Variants in RNF145 observed in about 807,000 individuals in gnomAD.
The protein encoded by RNF145 is ring finger protein 145.
Under a neutral mutation model 57.3 loss-of-function variants are expected in RNF145, and 12 were observed. The observed-to-expected ratio is 0.21, with a 90% CI of 0.13 to 0.34. The LOEUF (loss-of-function observed/expected upper bound fraction) is 0.34, where lower values mean the gene tolerates loss of function less well. RNF145 is among the 10% of genes least tolerant of loss of function. RNF145 has a pLI of 1.00. For synonymous variants in RNF145, 262 were observed against 288.3 expected, an observed-to-expected ratio of 0.91 and a Z score of 0.92; for missense variants, 429 against 799.0, an observed-to-expected ratio of 0.54 and a Z score of 5.58.
intron 3 of RNF145, among the ~76,000 whole-genome samples, chr5:159,185,287 T>C (rs997088953): frequency 6.6e-6 from 1 of 152,142 alleles, no homozygotes; most frequent in Non-Finnish European, 1.5e-5. Flanking sequence ...GTCAAGGCAG[T>C]AGTTTTGGTG....
At chr5:159,187,613 C>T (rs571278657) in intron 3 of RNF145, among the ~76,000 whole-genome samples, 7 of 152,252 alleles carry the variant, frequency 4.6e-5, no homozygotes, top group African/African-American at 1.7e-4. Flanking sequence ...AGGCGTGTGC[C>T]ACCACTCCCG....
chr5:159,200,560 C>A (rs1785627446), intron 2 of RNF145, among the ~76,000 whole-genome samples: 1 of 151,920 alleles, frequency 6.6e-6, no homozygotes, highest in Non-Finnish European at 1.5e-5. Context: ...TAAAAATAAA[C>A]CCACAAAAAT....
chr5:159,207,102 T>G (rs1244709819), intron 1 of RNF145, among the ~76,000 whole-genome samples: 1 of 152,148 alleles, frequency 6.6e-6, no homozygotes, highest in Admixed American at 6.5e-5. Flanking sequence ...AGTAATGTCT[T>G]GTAGAAGTAT....
intron 8 of RNF145, among the ~76,000 whole-genome samples, chr5:159,165,840 CT>C (rs1784378829): frequency 6.6e-6 from 1 of 151,962 alleles, no homozygotes; most frequent in Non-Finnish European, 1.5e-5. Flanking sequence ...AGCACTGTGA[CT>C]ATTACCACAT....
chr5:159,201,317 C>G (rs141316399), intron 2 of RNF145, among the ~76,000 whole-genome samples: 162 of 152,322 alleles, frequency 1.1e-3, no homozygotes, highest in African/African-American at 3.6e-3. Flanking sequence ...TACTCTTTAA[C>G]CCAGCAACTT....
chr5:159,184,697 T>C (rs896054196), intron 3 of RNF145, among the ~76,000 whole-genome samples: 1 of 152,208 alleles, frequency 6.6e-6, no homozygotes, highest in Admixed American at 6.5e-5. Flanking sequence ...TTTTTTATCT[T>C]AAATACTACT....
intron 1 of RNF145, among the ~76,000 whole-genome samples, chr5:159,204,905 G>A (rs1184477208): frequency 6.7e-6 from 1 of 149,262 alleles, no homozygotes; most frequent in African/African-American, 2.5e-5. Context: ...ATCCTTTTAA[G>A]AATTTTGCTG....
chr5:159,164,606 T>C (rs1037576512), intron 8 of RNF145, among the ~76,000 whole-genome samples: 2 of 151,772 alleles, frequency 1.3e-5, no homozygotes, highest in Non-Finnish European at 2.9e-5. Flanking sequence ...CTTATCTAAA[T>C]AGTTAAAATT....
chr5:159,207,648 T>G, intron 1 of RNF145: 3 of 1,609,748 alleles, frequency 1.9e-6, no homozygotes, highest in Non-Finnish European at 2.5e-6. Flanking sequence ...AGCCCAGAAC[T>G]GAGATACCAG....
chr5:159,185,467 T>C (rs1303864309), intron 3 of RNF145, among the ~76,000 whole-genome samples: 6 of 152,210 alleles, frequency 3.9e-5, no homozygotes, highest in African/African-American at 1.4e-4. Flanking sequence ...CATGCTGGCA[T>C]TGAGAATTCT....
At chr5:159,200,634 C>T (rs191692877) in intron 2 of RNF145, among the ~76,000 whole-genome samples, 1,831 of 152,224 alleles carry the variant, frequency 0.012, 16 homozygotes, top group Non-Finnish European at 0.018. Flanking sequence ...TTCTAATTGA[C>T]TCAAAATACT....
intron 4 of RNF145, among the ~76,000 whole-genome samples, chr5:159,181,682 TCTA>T (rs1784897431): frequency 6.6e-6 from 1 of 151,728 alleles, no homozygotes; most frequent in East Asian, 1.9e-4. Flanking sequence ...AATAATTAGC[TCTA>T]TTTAAAAATT....
chr5:159,194,010 T>C lies in RNF145; in HGVS notation c.293+706A>G, dbSNP rs148963707. Reference sequence around the variant, plus strand: ...TATATTTTAACATTCTGTTGCAAAGTAGAAAGCTCATATTCATTGGCAGAC... The same window carrying C: ...TATATTTTAACATTCTGTTGCAAAGCAGAAAGCTCATATTCATTGGCAGAC... On this transcript the variant is annotated intron_variant, in intron 3 of 10. Coordinates refer to ENST00000424310, the MANE Select transcript of RNF145 (RefSeq NM_001199383.2). Among the ~76,000 whole-genome samples, 35 of 152,342 alleles carry C rather than the reference T, an allele frequency of 2.3e-4. No homozygotes were observed. The East Asian group carries it at 6.0e-3, about 26-fold the overall frequency.
chr5:159,209,998 C>T (rs963506056), upstream of RNF145: 48 of 1,155,340 alleles, frequency 4.2e-5, no homozygotes, highest in Admixed American at 5.0e-4. Context: ...CAGCCGTGCC[C>T]AGCACCAAGT....
At chr5:159,198,974 A>C (rs1011653440) in intron 2 of RNF145, among the ~76,000 whole-genome samples, 2 of 152,186 alleles carry the variant, frequency 1.3e-5, no homozygotes, top group Non-Finnish European at 2.9e-5. Context: ...AGACCCTGTC[A>C]CGTACATACA....
Position 159,209,188 on chromosome 5 carries a change from G to A in RNF145, c.-40+43C>T, listed in dbSNP as rs189420877. 1.3e-3 allele frequency: 1,193 copies of A among 910,028 alleles called. 11 individuals are homozygous for A. The African/African-American group carries it at 0.02, about 15-fold the overall frequency. The allele number at this position is 910,028 out of a possible 1,614,324, so 56.4% of individuals were successfully genotyped here. A position where few individuals can be genotyped will look rare whatever the true frequency, so the allele number is the denominator to read the frequency against. On this transcript the variant is annotated intron_variant, in intron 1 of 10. Coordinates refer to ENST00000424310, the MANE Select transcript of RNF145 (RefSeq NM_001199383.2). ...GAGGGAGGCCGTGGGAAGCGGCCGGGGGGCGCGGGGATGGGAAGGGGCCGG... is the reference window on the plus strand; with the variant it reads ...GAGGGAGGCCGTGGGAAGCGGCCGGAGGGCGCGGGGATGGGAAGGGGCCGG...
At position 159,158,018 on chromosome 5, in the gene RNF145, T is replaced by C. The variant is rs1193688511; in HGVS notation, c.*652A>G. ...CGTCATAAAGTTCAAGAGTCTCAGA[T>C]TACATGAATGCACCCGCAAGGCCCA... On this transcript the variant is annotated 3_prime_UTR_variant, in exon 11 of 11. Coordinates refer to ENST00000424310, the MANE Select transcript of RNF145 (RefSeq NM_001199383.2). 6.5e-6 allele frequency: 1 copy of C among 152,830 alleles called. No individual in the cohort carries two copies. Among genetic ancestry groups the C allele is most frequent in the African/African-American group, 2.4e-5 (1 of 41,448 alleles). The allele number at this position is 152,830 out of a possible 1,614,324, so 9.5% of individuals were successfully genotyped here.
At chr5:159,179,258 G>A (rs959102890) in intron 4 of RNF145, among the ~76,000 whole-genome samples, 12 of 152,042 alleles carry the variant, frequency 7.9e-5, no homozygotes, top group African/African-American at 2.9e-4. Context: ...GAAGGAAGGA[G>A]TCATATTGTT....
intron 2 of RNF145, among the ~76,000 whole-genome samples, chr5:159,202,780 G>A (rs534687653): frequency 6.6e-6 from 1 of 152,190 alleles, no homozygotes; most frequent in South Asian, 2.1e-4. Flanking sequence ...TAAGGATCAT[G>A]ATTTTTATTC....
Sources: allele counts gnomAD v4.1 joint callset (sites outside exome capture counted in the v4.1 genomes callset), GRCh38; gene constraint gnomAD v4.1.1; transcripts MANE v1.5; gene names NCBI Gene and HGNC (gene_info 2026-07-23, HGNC 2026-07-21).